Variants in DYRK4 observed in about 807,000 individuals in gnomAD.
DYRK4 encodes dual specificity tyrosine-phosphorylation-regulated kinase 4.
In DYRK4, 64 loss-of-function variants were observed where a neutral mutation model predicts 68.3. That is an observed-to-expected ratio of 0.94 (90% CI 0.77 to 1.15). DYRK4 has a LOEUF of 1.15. Ranked by LOEUF, DYRK4 falls within the 50% of genes most tolerant of loss-of-function variation. The pLI, the probability that DYRK4 is intolerant of heterozygous loss-of-function variation, is 0.00. For synonymous variants in DYRK4, 274 were observed against 289.9 expected, an observed-to-expected ratio of 0.95 and a Z score of 0.56; for missense variants, 740 against 764.7, an observed-to-expected ratio of 0.97 and a Z score of 0.38.
intron 2 of DYRK4, among the ~76,000 whole-genome samples, chr12:4,575,589 A>G (rs562684145): frequency 3.5e-3 from 532 of 151,306 alleles, no homozygotes; most frequent in African/African-American, 0.012. Context: ...GATTACAGGC[A>G]TGAGCCACCG....
chr12:4,601,015 T>G (rs892353869), intron 10 of DYRK4, among the ~76,000 whole-genome samples: 3 of 151,538 alleles, frequency 2.0e-5, no homozygotes, highest in Non-Finnish European at 4.4e-5. Context: ...GATTAGGAGC[T>G]CTGTGTCAGA....
intron 2 of DYRK4, chr12:4,580,814 T>A (rs1475609773): frequency 1.5e-5 from 7 of 453,420 alleles, no homozygotes; most frequent in Non-Finnish European, 3.1e-5. Flanking sequence ...TTTTTTTAAA[T>A]GGGAAACAGG....
intron 2 of DYRK4, among the ~76,000 whole-genome samples, chr12:4,584,212 T>A (rs1451481040): frequency 6.6e-6 from 1 of 152,102 alleles, no homozygotes; most frequent in African/African-American, 2.4e-5. Context: ...AAAATACAGG[T>A]TTCTGGGCTC....
intron 8 of DYRK4, among the ~76,000 whole-genome samples, chr12:4,598,702 C>T (rs1218123081): frequency 6.6e-6 from 1 of 152,176 alleles, no homozygotes; most frequent in East Asian, 1.9e-4. Flanking sequence ...TGGTGGGCTT[C>T]CTGGTTCCCT....
intron 10 of DYRK4, chr12:4,601,905 TGTG>T (rs1945085784): frequency 3.9e-6 from 1 of 258,822 alleles, no homozygotes; most frequent in Admixed American, 5.3e-5. Flanking sequence ...TGTGTGTGTG[TGTG>T]TGTATCTTTG....
At chr12:4,574,029 T>C (rs566548548) in intron 2 of DYRK4, among the ~76,000 whole-genome samples, 1 of 151,824 alleles carries the variant, frequency 6.6e-6, no homozygotes, top group Non-Finnish European at 1.5e-5. Flanking sequence ...ATGGAGACCA[T>C]CCTGGCTAAC....
intron 2 of DYRK4, among the ~76,000 whole-genome samples, chr12:4,579,558 A>T (rs1162608106): frequency 6.6e-6 from 1 of 152,150 alleles, no homozygotes; most frequent in East Asian, 1.9e-4. Context: ...GAGTTAAGCA[A>T]GGAGGCTGCA....
chr12:4,592,691 TA>T (rs1591798486), intron 5 of DYRK4: 1 of 236,226 alleles, frequency 4.2e-6, no homozygotes, highest in East Asian at 1.0e-4. Flanking sequence ...AACTATATAC[TA>T]TTGTCGACAC....
At chr12:4,580,735 T>C (rs948212041) in intron 2 of DYRK4, 1 of 438,636 alleles carries the variant, frequency 2.3e-6, no homozygotes, top group Non-Finnish European at 4.5e-6. Flanking sequence ...AAGGAAGAAG[T>C]TGTGAGCTGA....
At chr12:4,563,562 T>C (rs1050291170) in intron 1 of DYRK4, among the ~76,000 whole-genome samples, 17 of 152,192 alleles carry the variant, frequency 1.1e-4, no homozygotes, top group Admixed American at 1.1e-3. Context: ...CTGCCTGACT[T>C]AGCAATGAGT....
Position 4,596,285 on chromosome 12 carries a change from G to A in DYRK4, c.764G>A (p.Arg255Lys), listed in dbSNP as rs780631150. The A allele has an allele frequency of 1.9e-6, 3 of 1,614,172 alleles. No individual in the cohort carries two copies. The highest frequency in any genetic ancestry group is 1.3e-5 in the African/African-American group (1 of 75,050). ...CTGAAAATCATCAGGAACAAGAAGA[G>A]GTGTGGCTTGGGGATGACATAGGCC... ...VALKIIRNKK[R>K]FHQQALMELK... The change falls in exon 7 of 15, where the codon AGG (arginine) becomes AAG (lysine). Residue 255 changes from arginine (R) to lysine (K), a missense_variant and splice_region_variant. By Grantham distance (26) the Arg-to-Lys change is conservative (BLOSUM62 2). This residue lies in a region of DYRK4 where 614 missense variants were observed against 603.7 expected (regional missense o/e 1.02). Transcript: ENST00000543431.
At chr12:4,586,703 C>CGT (rs1255871796) in intron 2 of DYRK4, among the ~76,000 whole-genome samples, 1 of 124,346 alleles carries the variant, frequency 8.0e-6, no homozygotes, top group South Asian at 2.5e-4. Context: ...TCCTGGGCTG[C>CGT]GTACACACAC....
intron 2 of DYRK4, among the ~76,000 whole-genome samples, chr12:4,571,147 A>G (rs11832225): frequency 0.016 from 2,401 of 152,320 alleles, 67 homozygotes; most frequent in African/African-American, 0.054. Flanking sequence ...AGGCTATGCC[A>G]GGAAGAGAAC....
intron 6 of DYRK4, among the ~76,000 whole-genome samples, chr12:4,593,960 T>TA (rs1180839706): frequency 2.0e-5 from 3 of 152,240 alleles, no homozygotes; most frequent in African/African-American, 7.2e-5. Flanking sequence ...AGGAGCTCGT[T>TA]AAAATGCAGG....
At chr12:4,602,841 C>G in intron 10 of DYRK4, 2 of 1,233,570 alleles carry the variant, frequency 1.6e-6, no homozygotes, top group Non-Finnish European at 2.4e-6. Context: ...TGTCCCAAAT[C>G]ATTGGAAATA....
At chr12:4,589,678 A>G (rs1365906328) in intron 3 of DYRK4, among the ~76,000 whole-genome samples, 1 of 152,130 alleles carries the variant, frequency 6.6e-6, no homozygotes, top group Non-Finnish European at 1.5e-5. Flanking sequence ...TTTATGACTG[A>G]ATAGTATTCC....
Position 4,562,220 on chromosome 12 carries a change from A to G in DYRK4, c.-26A>G, listed in dbSNP as rs1591778821. The G allele has an allele frequency of 6.6e-7, 1 of 1,523,580 alleles. No individual in the cohort carries two copies. The highest frequency in any genetic ancestry group is 2.5e-5 in the East Asian group (1 of 39,940). The allele number at this position is 1,523,580 out of a possible 1,614,324, so 94.4% of individuals were successfully genotyped here. On this transcript the variant is annotated 5_prime_UTR_variant, in exon 1 of 15. Transcript: ENST00000543431. The stretch of plus-strand genomic sequence containing the variant: ...CTGCCGGGCTCTCACAGCCTCCCGC[A>G]GCGGCGGGCGGTCAGCGCCGGCCTC...
chr12:4,596,531 T>C (rs1332454801), intron 7 of DYRK4, 58 bp from the exon 8 acceptor site: 65 of 1,587,846 alleles, frequency 4.1e-5, no homozygotes, highest in Non-Finnish European at 5.5e-5. Context: ...CAGCGGGACC[T>C]GACACTGATG....
chr12:4,605,728 G>GTTTTTTTTTTTT (rs780888385), intron 11 of DYRK4, among the ~76,000 whole-genome samples: 1 of 68,938 alleles, frequency 1.5e-5, no homozygotes, highest in Non-Finnish European at 2.5e-5. Flanking sequence ...AATAGAGCTG[G>GTTTTTTTTTTTT]GTTTTTTTTT....
Sources: allele counts gnomAD v4.1 joint callset (sites outside exome capture counted in the v4.1 genomes callset), GRCh38; gene constraint gnomAD v4.1.1; regional missense constraint gnomAD v4.1.1; transcripts MANE v1.5; gene names NCBI Gene and HGNC (gene_info 2026-07-23, HGNC 2026-07-21).